The following TMX2 variants were observed in gnomAD, a reference collection of about 807,000 sequenced individuals.
The protein encoded by TMX2 is thioredoxin-related transmembrane protein 2.
In TMX2, 20 loss-of-function variants were observed where a neutral mutation model predicts 33.4. The ratio of observed to expected loss-of-function variants is 0.60; its 90% CI spans 0.42 to 0.87. TMX2 has a LOEUF of 0.87. Ranked by LOEUF, TMX2 falls within the 40% of genes least tolerant of loss-of-function variation. The pLI, the probability that TMX2 is intolerant of heterozygous loss-of-function variation, is 0.00. For synonymous variants in TMX2, 166 were observed against 140.7 expected, an observed-to-expected ratio of 1.18 and a Z score of -1.27; for missense variants, 340 against 370.7, an observed-to-expected ratio of 0.92 and a Z score of 0.68.
intron 1 of TMX2, among the ~76,000 whole-genome samples, chr11:57,716,338 G>C (rs1328108519): frequency 3.9e-5 from 5 of 128,650 alleles, no homozygotes; most frequent in East Asian, 4.5e-4. Flanking sequence ...CTGGCCGGGC[G>C]GGGGGCTGAC....
At position 57,734,395 on chromosome 11, in the gene TMX2, T is replaced by G. The variant is rs557664782; in HGVS notation, c.190-3213T>G. On this transcript the variant is annotated intron_variant, in intron 1 of 7. Coordinates refer to ENST00000278422, the MANE Select transcript of TMX2 (RefSeq NM_015959.4). ...TCCCTCCATAGACCATTTTCTGTCC[T>G]TAGAGAATTTCTTTTGGTCCTACCT... Among the ~76,000 whole-genome samples the G allele has an allele frequency of 2.3e-4, 35 of 152,284 alleles. No homozygotes were observed. In the East Asian group the frequency reaches 2.5e-3, roughly 11 times the overall value.
intron 1 of TMX2, among the ~76,000 whole-genome samples, chr11:57,715,535 A>G (rs899332359): frequency 6.6e-6 from 1 of 150,522 alleles, no homozygotes; most frequent in Non-Finnish European, 1.5e-5. Context: ...AGCTTTGACT[A>G]GACAAGATAA....
rs1459148048 is a variant in TMX2, at chr11:57,740,780, T to C, written c.*535T>C. 6.5e-6 allele frequency: 1 copy of C among 152,880 alleles called. No homozygotes were observed. Among genetic ancestry groups the C allele is most frequent in the Non-Finnish European group, 1.5e-5 (1 of 68,566 alleles). 9.5% of individuals were successfully genotyped at this position (152,880 alleles called of 1,614,324 possible). On this transcript the variant is annotated 3_prime_UTR_variant, in exon 8 of 8. Transcript: ENST00000278422. ...AAGGAGAAACCTTTAACCACAAAGT[T>C]TTTATCATTGAAGACAATATTGAAC...
chr11:57,738,562 C>G, intron 4 of TMX2, 102 bp from the exon 5 acceptor site: 1 of 1,247,126 alleles, frequency 8.0e-7, no homozygotes, highest in South Asian at 1.2e-5. Flanking sequence ...TTATGAGAGC[C>G]GGGGGAGAGG....
intron 7 of TMX2, 79 bp from the exon 8 acceptor site, chr11:57,740,020 T>A (rs754137824): frequency 3.3e-5 from 53 of 1,595,436 alleles, no homozygotes; most frequent in Non-Finnish European, 4.1e-5. Flanking sequence ...CCAGACTTTG[T>A]GTAAAATACC....
intron 1 of TMX2, among the ~76,000 whole-genome samples, chr11:57,715,794 A>C (rs988585180): frequency 6.6e-6 from 1 of 151,252 alleles, no homozygotes; most frequent in Admixed American, 6.6e-5. Flanking sequence ...CTTAACGAGC[A>C]TGCTGCCTTC....
chr11:57,738,139 C>A (rs746277650), intron 3 of TMX2, 113 bp downstream of exon 3: 291 of 851,016 alleles, frequency 3.4e-4, no homozygotes, highest in Non-Finnish European at 5.2e-4. Flanking sequence ...TCTCCATACC[C>A]TTCTTCCATA....
chr11:57,726,120 A>G (rs1022717195), intron 1 of TMX2, among the ~76,000 whole-genome samples: 3 of 152,158 alleles, frequency 2.0e-5, no homozygotes, highest in African/African-American at 7.2e-5. Flanking sequence ...AAAGTTAAAA[A>G]TAAGTCAGTC....
chr11:57,716,639 A>ACGGGGCGGCTGGC (rs1457263069), intron 1 of TMX2, among the ~76,000 whole-genome samples: 1 of 112,856 alleles, frequency 8.9e-6, no homozygotes, highest in Non-Finnish European at 1.8e-5. Context: ...TCCCTCCCGG[A>ACGGGGCGGCTGGC]CGGGGCGGCT....
chr11:57,728,189 G>A (rs1565224266), intron 1 of TMX2, among the ~76,000 whole-genome samples: 1 of 151,520 alleles, frequency 6.6e-6, no homozygotes, highest in Non-Finnish European at 1.5e-5. Flanking sequence ...TTGAGACGGA[G>A]TCTCGCTGTG....
At chr11:57,713,561 A>G (rs1045258521) in intron 1 of TMX2, among the ~76,000 whole-genome samples, 1 of 152,156 alleles carries the variant, frequency 6.6e-6, no homozygotes, top group Non-Finnish European at 1.5e-5. Context: ...GCCATATAGC[A>G]TGTAGGGGCC....
chr11:57,721,760 ATAGGC>A (rs1947647457), intron 1 of TMX2, among the ~76,000 whole-genome samples: 1 of 152,174 alleles, frequency 6.6e-6, no homozygotes, highest in Admixed American at 6.5e-5. Flanking sequence ...ACTTTCAAAA[ATAGGC>A]TAAGATAGCG....
chr11:57,730,017 T>C (rs1287871103), intron 1 of TMX2, among the ~76,000 whole-genome samples: 2 of 150,572 alleles, frequency 1.3e-5, no homozygotes, highest in Non-Finnish European at 2.9e-5. Context: ...GGCAGGAGTA[T>C]CGCTTGAACC....
intron 1 of TMX2, among the ~76,000 whole-genome samples, chr11:57,716,404 ACCTC>A (rs1947043613): frequency 1.6e-5 from 1 of 62,946 alleles, no homozygotes. Context: ...TGACCCCCCC[ACCTC>A]CCTCCCGGAC....
chr11:57,738,806 G>A, intron 5 of TMX2, 36 bp downstream of exon 5: 1 of 1,582,458 alleles, frequency 6.3e-7, no homozygotes, highest in Non-Finnish European at 8.7e-7. Flanking sequence ...TGGAAATGGA[G>A]ATGCTGTGCC....
At chr11:57,718,443 T>C in intron 1 of TMX2, 1 of 1,155,258 alleles carries the variant, frequency 8.7e-7, no homozygotes, top group Non-Finnish European at 1.3e-6. Flanking sequence ...TCTGTTGTCT[T>C]TGGAACCTTG....
chr11:57,735,932 A>C (rs1948727824), intron 1 of TMX2, among the ~76,000 whole-genome samples: 1 of 152,180 alleles, frequency 6.6e-6, no homozygotes, highest in Admixed American at 6.5e-5. Flanking sequence ...TCCTAACTGC[A>C]AAAGGGAGGG....
chr11:57,738,648 T>TC lies in TMX2; in HGVS notation c.442-13dup. 1 of 1,610,766 alleles carries TC rather than the reference T, an allele frequency of 6.2e-7. No homozygotes were observed. The highest frequency in any genetic ancestry group is 8.5e-7 in the Non-Finnish European group (1 of 1,177,288). On this transcript the variant is annotated splice_polypyrimidine_tract_variant and intron_variant, in intron 4 of 7. Coordinates refer to ENST00000278422, the MANE Select transcript of TMX2 (RefSeq NM_015959.4). ...CTATGTGGATCCAGCTGACTTTTCTTCCCTGTATTTGGCAGGAGGAACTAG... is the reference window on the plus strand; with the variant it reads ...CTATGTGGATCCAGCTGACTTTTCTTCCCCTGTATTTGGCAGGAGGAACTAG...
At chr11:57,737,468 C>G (rs1327583294) in intron 1 of TMX2, 140 bp from the exon 2 acceptor site, 1 of 683,614 alleles carries the variant, frequency 1.5e-6, no homozygotes. Flanking sequence ...TCCCCGTACA[C>G]CTTACCTAAC....
Sources: allele counts gnomAD v4.1 joint callset (sites outside exome capture counted in the v4.1 genomes callset), GRCh38; gene constraint gnomAD v4.1.1; transcripts MANE v1.5; gene names NCBI Gene and HGNC (gene_info 2026-07-23, HGNC 2026-07-21).